Variants in CFAP54 observed in about 807,000 individuals in gnomAD.
CFAP54 encodes cilia- and flagella-associated protein 54.
Under a neutral mutation model 370.4 loss-of-function variants are expected in CFAP54, and 290 were observed. The ratio of observed to expected loss-of-function variants is 0.78; its 90% confidence interval spans 0.71 to 0.86. CFAP54 has a LOEUF of 0.86. Among genes scored for constraint, CFAP54 ranks in the 40% least tolerant of loss-of-function variants. The pLI is 0.00. For missense variants in CFAP54, 3,399 were observed against 3,528.7 expected (o/e 0.96, Z 0.93); for synonymous variants, 1,206 against 1,236.5 (o/e 0.98, Z 0.52).
intron 50 of CFAP54, among the ~76,000 whole-genome samples, chr12:96,729,101 G>C (rs11834988): frequency 0.38 from 57,095 of 151,800 alleles, 11,835 homozygotes; most frequent in East Asian, 0.68. Flanking sequence ...GGGGGTGCCT[G>C]CCAGTTAGGC....
At chr12:96,845,762 C>A (rs1959325642) in intron 66 of CFAP54, among the ~76,000 whole-genome samples, 1 of 152,098 alleles carries the variant, frequency 6.6e-6, no homozygotes, top group African/African-American at 2.4e-5. Flanking sequence ...GTCGGCTTCC[C>A]AACAATGAAC....
Position 96,843,822 on chromosome 12 carries a change from C to A in CFAP54, c.9171+14734C>A, listed in dbSNP as rs371002121. Among the ~76,000 whole-genome samples, 56 of 152,234 alleles carry A rather than the reference C, an allele frequency of 3.7e-4. 1 individual carries two copies. In the South Asian group the frequency reaches 0.011, roughly 30 times the overall value. On this transcript the variant is annotated intron_variant, in intron 66 of 67. Coordinates refer to ENST00000524981, the MANE Select transcript of CFAP54 (RefSeq NM_001306084.2). ...ACTCTGTAAAAAATCCTAATTTGGACAATAAATTAGGGTGAACATTTCTAA... is the reference window on the plus strand; with the variant it reads ...ACTCTGTAAAAAATCCTAATTTGGAAAATAAATTAGGGTGAACATTTCTAA...
At chr12:96,706,592 T>C (rs1178479214) in intron 47 of CFAP54, among the ~76,000 whole-genome samples, 1 of 152,102 alleles carries the variant, frequency 6.6e-6, no homozygotes, top group Non-Finnish European at 1.5e-5. Flanking sequence ...ACTAGGCTGT[T>C]ATCTGAGCAA....
In CFAP54 at chr12:96,581,035, G is replaced by C. The variant is rs1282343821; in HGVS notation, c.3005G>C (p.Gly1002Ala). The stretch of plus-strand genomic sequence containing the variant: ...GGAAAGCTTGTCGGTGGTGCTATTG[G>C]GGAGACAACTAAACCAATTCTGGTT... ...NNGKLVGGAI[G>A]ETTKPILVYP... The change falls in exon 22 of 68, where the codon GGG becomes GCG. Residue 1002 changes from glycine to alanine, a missense_variant. Coordinates refer to ENST00000524981, the MANE Select transcript of CFAP54 (RefSeq NM_001306084.2). 2.9e-5 allele frequency: 44 copies of C among 1,532,602 alleles called. No individual in the cohort carries two copies. The highest frequency in any genetic ancestry group is 3.8e-5 in the Non-Finnish European group (43 of 1,144,910). 94.9% of individuals were successfully genotyped at this position (1,532,602 alleles called of 1,614,324 possible). A position where few individuals can be genotyped will look rare whatever the true frequency, so the allele number is the denominator to read the frequency against.
intron 36 of CFAP54, among the ~76,000 whole-genome samples, chr12:96,655,052 GAACA>G (rs1468788302): frequency 6.6e-6 from 1 of 151,638 alleles, no homozygotes; most frequent in East Asian, 1.9e-4. Flanking sequence ...TTTTTTAAAA[GAACA>G]AATTGGAGGA....
chr12:96,490,032 C>G (rs1253245401), intron 1 of CFAP54, 106 bp downstream of exon 1: 20 of 1,102,774 alleles, frequency 1.8e-5, no homozygotes, highest in Admixed American at 5.8e-5. Flanking sequence ...GCGTTGCGGA[C>G]GCAGGGGCTG....
At chr12:96,715,800 A>G (rs1215104453) in intron 48 of CFAP54, among the ~76,000 whole-genome samples, 2 of 152,154 alleles carry the variant, frequency 1.3e-5, no homozygotes, top group African/African-American at 4.8e-5. Flanking sequence ...TGTAATTTAT[A>G]TATTTTTATT....
At position 96,621,875 on chromosome 12, in the gene CFAP54, G is replaced by GTTTGTTTTT. The variant is rs1956496257; in HGVS notation, c.3771+157_3771+158insGTTTTTTTT. Among the ~76,000 whole-genome samples the GTTTGTTTTT allele has an allele frequency of 1.4e-3, 68 of 50,038 alleles. 1 individual carries two copies. The highest frequency in any genetic ancestry group is 2.4e-3 in the South Asian group (2 of 838). The allele number at this position is 50,038 out of a possible 152,430, so 32.8% of individuals were successfully genotyped here. A position where few individuals can be genotyped will look rare whatever the true frequency, so the allele number is the denominator to read the frequency against. On this transcript the variant is annotated intron_variant, in intron 27 of 67. Transcript: ENST00000524981. ...ATTATAGTAAAGAGCTTTTGGGTTT[G>GTTTGTTTTT]TTTTTTTTTTTTTTTTTTTTTTTTT...
intron 66 of CFAP54, among the ~76,000 whole-genome samples, chr12:96,849,314 C>T (rs1959467812): frequency 6.6e-6 from 1 of 152,162 alleles, no homozygotes; most frequent in Admixed American, 6.5e-5. Context: ...TAAATCCATC[C>T]ATATCACAAG....
chr12:96,859,363 C>G lies in CFAP54; in HGVS notation c.9172-1456C>G, dbSNP rs768658549. ...TAAGTGGTGAGGTCTGAATTTGAAA[C>G]AAGCAGTCCTACTCCAGAATGCACT... On this transcript the variant is annotated intron_variant, in intron 66 of 67. Coordinates refer to ENST00000524981, the MANE Select transcript of CFAP54 (RefSeq NM_001306084.2). Among the ~76,000 whole-genome samples, 3 of 152,126 alleles carry G rather than the reference C, an allele frequency of 2.0e-5. No individual in the cohort carries two copies. The South Asian group carries it at 6.2e-4, about 32-fold the overall frequency.
At position 96,553,528 on chromosome 12, in the gene CFAP54, T is replaced by TTA. The variant is rs541023610; in HGVS notation, c.2155-641_2155-640dup. On this transcript the variant is annotated intron_variant, in intron 15 of 67. Transcript: ENST00000524981. ...AATATATGTATAGTAATATATATAG[T>TTA]TATATATATATATAGTAATATATGT... Among the ~76,000 whole-genome samples, 647 of 141,076 alleles carry TTA rather than the reference T, an allele frequency of 4.6e-3. 9 individuals are homozygous for TTA. The highest frequency in any genetic ancestry group is 0.016 in the African/African-American group (618 of 38,552). The allele number at this position is 141,076 out of a possible 152,430, so 92.6% of individuals were successfully genotyped here.
At chr12:96,682,306 C>T (rs1038166242) in intron 40 of CFAP54, 1 of 985,518 alleles carries the variant, frequency 1.0e-6, no homozygotes, top group Non-Finnish European at 1.2e-6. Context: ...ACAACTTGGA[C>T]TTGTAATTTC....
rs1379394066 is a variant in CFAP54 at position 96,547,936 on chromosome 12, T to A, written c.2112T>A (p.Pro704=). 1 of 1,508,076 alleles carries A rather than the reference T, an allele frequency of 6.6e-7. No homozygotes were observed. The highest frequency in any genetic ancestry group is 8.9e-7 in the Non-Finnish European group (1 of 1,129,512). The allele number at this position is 1,508,076 out of a possible 1,614,324, so 93.4% of individuals were successfully genotyped here. A position where few individuals can be genotyped will look rare whatever the true frequency, so the allele number is the denominator to read the frequency against. ...TAAGAGAAGGGACTAACAAATTCCC[T>A]GGAGCTCCAAAAGGGATCACAGAAA... The part of the protein sequence containing the change: ...VPLREGTNKF[P]GAPKGITEIL... Residue 704 remains proline (P), a synonymous_variant, in exon 15 of 68, where the codon CCT becomes CCA. Transcript: ENST00000524981.
At chr12:96,759,677 A>T (rs574197324) in intron 58 of CFAP54, among the ~76,000 whole-genome samples, 3 of 152,298 alleles carry the variant, frequency 2.0e-5, no homozygotes, top group Admixed American at 6.5e-5. Flanking sequence ...TCCATACAGC[A>T]GAGTGACCAT....
At chr12:96,863,382 C>G (rs1455185441) in intron 67 of CFAP54, among the ~76,000 whole-genome samples, 1 of 152,156 alleles carries the variant, frequency 6.6e-6, no homozygotes, top group Non-Finnish European at 1.5e-5. Context: ...AGAATTATGA[C>G]CACGATGCAC....
At chr12:96,675,639 G>A (rs1442992619) in intron 39 of CFAP54, among the ~76,000 whole-genome samples, 2 of 152,158 alleles carry the variant, frequency 1.3e-5, no homozygotes, top group East Asian at 3.8e-4. Flanking sequence ...ACATGCATAA[G>A]TATGTTTATC....
At chr12:96,661,069 G>GT (rs112379953) in intron 38 of CFAP54, among the ~76,000 whole-genome samples, 55,170 of 151,556 alleles carry the variant, frequency 0.36, 10,264 homozygotes, top group Middle Eastern at 0.41. Context: ...AGTCCTTTGG[G>GT]GTTTTTTTGT....
At chr12:96,505,076 CT>C (rs59074848) in intron 3 of CFAP54, among the ~76,000 whole-genome samples, 129 of 109,746 alleles carry the variant, frequency 1.2e-3, no homozygotes, top group South Asian at 5.1e-3. Flanking sequence ...TTCTTTTCTT[CT>C]TTTTTTTTTG....
At chr12:96,715,777 G>A (rs191980446) in intron 48 of CFAP54, among the ~76,000 whole-genome samples, 1 of 152,214 alleles carries the variant, frequency 6.6e-6, no homozygotes, top group African/African-American at 2.4e-5. Context: ...TGAGATGCTT[G>A]TATTAATTTT....
Sources: gnomAD v4.1 joint callset for allele counts (sites outside exome capture counted in the v4.1 genomes callset) on GRCh38, gnomAD v4.1.1 for gene constraint, MANE v1.5 for transcripts, NCBI Gene and HGNC (gene_info 2026-07-23, HGNC 2026-07-21) for gene names.